The following MAD1L1 variants were observed in gnomAD, a reference collection of about 807,000 sequenced individuals.
The protein encoded by MAD1L1 is mitotic spindle assembly checkpoint protein MAD1.
A neutral mutation model predicts 96.9 loss-of-function variants in MAD1L1; 95 were observed. That is an observed-to-expected ratio of 0.98 (90% CI 0.83 to 1.16). The LOEUF (loss-of-function observed/expected upper bound fraction) is 1.16, where lower values mean the gene tolerates loss of function less well. Ranked by LOEUF, MAD1L1 falls within the 50% of genes most tolerant of loss-of-function variation. The probability of loss-of-function intolerance (pLI) is 0.00; values close to 1 mark genes in which losing one functional copy is unlikely to be tolerated. For synonymous variants in MAD1L1, 473 were observed against 396.6 expected (o/e 1.19, Z -2.29); for missense variants, 1,007 against 954.4 (o/e 1.06, Z -0.73).
intron 15 of MAD1L1, among the ~76,000 whole-genome samples, chr7:1,972,447 G>C (rs1780446922): frequency 6.6e-6 from 1 of 152,184 alleles, no homozygotes; most frequent in African/African-American, 2.4e-5. Context: ...GTTCTGAGGA[G>C]TGAGTCCGCT....
intron 11 of MAD1L1, among the ~76,000 whole-genome samples, chr7:2,129,185 G>T (rs917232632): frequency 2.6e-5 from 4 of 152,204 alleles, no homozygotes; most frequent in African/African-American, 9.7e-5. Context: ...CGGGGGAGCT[G>T]GGGCCACCAG....
intron 11 of MAD1L1, among the ~76,000 whole-genome samples, chr7:2,117,094 C>G (rs537283170): frequency 6.6e-6 from 1 of 152,172 alleles, no homozygotes; most frequent in Non-Finnish European, 1.5e-5. Flanking sequence ...GCAGAGGCAG[C>G]CAGGCAGGCA....
chr7:2,177,553 T>C (rs551518406), intron 10 of MAD1L1, among the ~76,000 whole-genome samples: 8 of 152,358 alleles, frequency 5.3e-5, no homozygotes, highest in Admixed American at 4.6e-4. Context: ...TAGTAATATT[T>C]TGTCTAATTT....
chr7:1,918,446 C>T (rs73050109), intron 17 of MAD1L1, among the ~76,000 whole-genome samples: 7,541 of 152,276 alleles, frequency 0.05, 278 homozygotes, highest in Admixed American at 0.1. Flanking sequence ...CCACTGGGGA[C>T]GGTGCTTCAG....
chr7:1,899,616 G>T (rs73048126), intron 17 of MAD1L1, among the ~76,000 whole-genome samples: 1 of 152,184 alleles, frequency 6.6e-6, no homozygotes, highest in African/African-American at 2.4e-5. Context: ...CAGCGCCCGG[G>T]GGGAGGCTGG....
chr7:2,095,575 C>T (rs966898310), intron 11 of MAD1L1, among the ~76,000 whole-genome samples: 1 of 152,202 alleles, frequency 6.6e-6, no homozygotes, highest in African/African-American at 2.4e-5. Context: ...GGAGATAGTG[C>T]GTGCTGTGGC....
At chr7:2,064,894 G>A (rs528552164) in intron 12 of MAD1L1, among the ~76,000 whole-genome samples, 1 of 152,240 alleles carries the variant, frequency 6.6e-6, no homozygotes, top group East Asian at 1.9e-4. Context: ...AGGGAGGACG[G>A]TGGCTGCTCA....
At chr7:2,172,912 G>T (rs1790777510) in intron 10 of MAD1L1, among the ~76,000 whole-genome samples, 1 of 152,268 alleles carries the variant, frequency 6.6e-6, no homozygotes, top group Admixed American at 6.5e-5. Context: ...TGTGCGCACA[G>T]AAGACCCCAG....
chr7:2,218,084 C>T (rs773397087), intron 6 of MAD1L1, 41 bp from the exon 7 acceptor site: 6 of 1,482,838 alleles, frequency 4.0e-6, no homozygotes, highest in South Asian at 1.1e-5. Flanking sequence ...AACAGGCATG[C>T]GGCAAGGCCA....
At chr7:1,985,173 G>A (rs906137768) in intron 14 of MAD1L1, among the ~76,000 whole-genome samples, 10 of 152,204 alleles carry the variant, frequency 6.6e-5, no homozygotes, top group East Asian at 1.9e-4. Flanking sequence ...CATTTGAATC[G>A]GGGACTCAGC....
intron 16 of MAD1L1, among the ~76,000 whole-genome samples, chr7:1,941,288 A>G (rs1002695570): frequency 4.6e-5 from 7 of 152,094 alleles, no homozygotes; most frequent in African/African-American, 1.7e-4. Context: ...GCACAGCCCC[A>G]GCCCCCAGCC....
chr7:2,076,893 G>A (rs754346482), intron 11 of MAD1L1, among the ~76,000 whole-genome samples: 1 of 150,474 alleles, frequency 6.6e-6, no homozygotes, highest in Non-Finnish European at 1.5e-5. Context: ...GCCCAAGACA[G>A]GGTTACGACA....
At chr7:1,885,059 C>T (rs1251250542) in intron 18 of MAD1L1, among the ~76,000 whole-genome samples, 4 of 152,228 alleles carry the variant, frequency 2.6e-5, no homozygotes, top group African/African-American at 7.2e-5. Context: ...TCTCCAACAA[C>T]CTAAGTACTT....
intron 10 of MAD1L1, among the ~76,000 whole-genome samples, chr7:2,208,131 C>G (rs561676640): frequency 6.6e-6 from 1 of 152,122 alleles, no homozygotes; most frequent in Middle Eastern, 3.2e-3. Flanking sequence ...TCTCAGTGTA[C>G]AAATCTTACA....
At chr7:2,218,098 A>AT in intron 6 of MAD1L1, 55 bp from the exon 7 acceptor site, 2 of 1,381,450 alleles carry the variant, frequency 1.4e-6, no homozygotes, top group Non-Finnish European at 2.1e-6. Flanking sequence ...AAGGCCAACA[A>AT]TTCTCCTCAG....
At chr7:1,818,642 G>A (rs949659728) in intron 18 of MAD1L1, among the ~76,000 whole-genome samples, 3 of 151,654 alleles carry the variant, frequency 2.0e-5, no homozygotes, top group South Asian at 2.1e-4. Flanking sequence ...CTGGCCTGAC[G>A]TGATCCTCCT....
chr7:1,922,899 G>A (rs1387644687), intron 17 of MAD1L1, among the ~76,000 whole-genome samples: 1 of 152,202 alleles, frequency 6.6e-6, no homozygotes, highest in East Asian at 1.9e-4. Flanking sequence ...TTGGCGAGCT[G>A]ACGCGATGGA....
intron 14 of MAD1L1, among the ~76,000 whole-genome samples, chr7:1,999,546 C>T (rs897386348): frequency 6.6e-6 from 1 of 152,184 alleles, no homozygotes; most frequent in Non-Finnish European, 1.5e-5. Flanking sequence ...CAAACCTCAG[C>T]GGGACTGCGG....
chr7:1,865,295 G>A (rs1784727831), intron 18 of MAD1L1, among the ~76,000 whole-genome samples: 1 of 152,086 alleles, frequency 6.6e-6, no homozygotes, highest in Non-Finnish European at 1.5e-5. Flanking sequence ...AGAAGCTCTT[G>A]GGGGTCTGCA....
Sources: gnomAD v4.1 joint callset for allele counts (sites outside exome capture counted in the v4.1 genomes callset) on GRCh38, gnomAD v4.1.1 for gene constraint, MANE v1.5 for transcripts, NCBI Gene and HGNC (gene_info 2026-07-23, HGNC 2026-07-21) for gene names.